The following FAM162A variants were observed in gnomAD, a reference collection of about 807,000 sequenced individuals.
FAM162A encodes protein FAM162A.
In FAM162A, 23 loss-of-function variants were observed where a neutral mutation model predicts 21.8. That is an observed-to-expected ratio of 1.05 (90% CI 0.76 to 1.49). The LOEUF is 1.49. Ranked by LOEUF, FAM162A falls within the 40% of genes most tolerant of loss-of-function variation. FAM162A has a pLI of 0.00. For missense variants in FAM162A, 165 were observed against 186.4 expected (o/e 0.89, Z 0.67); for synonymous variants, 53 against 61.3 (o/e 0.86, Z 0.64).
chr3:122,392,199 T>C (rs1487711386), intron 1 of FAM162A, among the ~76,000 whole-genome samples: 1 of 152,202 alleles, frequency 6.6e-6, no homozygotes, highest in African/African-American at 2.4e-5. Context: ...TTAGGAGGAA[T>C]GGGAAAGGAC....
At chr3:122,390,476 C>T (rs2075597678) in intron 1 of FAM162A, among the ~76,000 whole-genome samples, 1 of 152,092 alleles carries the variant, frequency 6.6e-6, no homozygotes, top group African/African-American at 2.4e-5. Context: ...TCCAAGAGGA[C>T]CTTGAAAGAT....
intron 1 of FAM162A, among the ~76,000 whole-genome samples, chr3:122,393,531 G>T (rs1183823416): frequency 6.6e-6 from 1 of 152,192 alleles, no homozygotes; most frequent in Non-Finnish European, 1.5e-5. Context: ...GGGTTTAAGA[G>T]TTTTCCAAAA....
At chr3:122,402,634 A>G (rs982097649) in intron 1 of FAM162A, 126 bp from the exon 2 acceptor site, 1 of 788,444 alleles carries the variant, frequency 1.3e-6, no homozygotes, top group African/African-American at 1.8e-5. Context: ...TCTTACATAT[A>G]GTAAATTCAT....
At chr3:122,388,973 C>T (rs1365336622) in intron 1 of FAM162A, among the ~76,000 whole-genome samples, 3 of 151,398 alleles carry the variant, frequency 2.0e-5, no homozygotes, top group East Asian at 3.9e-4. Flanking sequence ...GGCGTGAAGC[C>T]GGGAGGCAGA....
rs759386513 is a variant in FAM162A at position 122,402,850 on chromosome 3, C to G, written c.125C>G (p.Thr42Arg). Residue 42 changes from threonine (T) to arginine (R), a missense_variant, in exon 2 of 5, where the codon ACA becomes AGA. Coordinates refer to ENST00000477892, the MANE Select transcript of FAM162A (RefSeq NM_014367.4). ...SDLKRINGFC[T>R]KPQESPGAPS... ...TTGAAGAGAATAAATGGATTTTGCACAAAACCACAGGAAAGTCCCGGAGCT... is the reference window on the plus strand; with the variant it reads ...TTGAAGAGAATAAATGGATTTTGCAGAAAACCACAGGAAAGTCCCGGAGCT... The G allele has an allele frequency of 6.2e-7, 1 of 1,606,104 alleles. No homozygotes were observed. Among genetic ancestry groups the G allele is most frequent in the Non-Finnish European group, 8.5e-7 (1 of 1,176,900 alleles).
At chr3:122,405,881 C>T (rs1252808438) in intron 3 of FAM162A, among the ~76,000 whole-genome samples, 17 of 152,152 alleles carry the variant, frequency 1.1e-4, no homozygotes, top group Admixed American at 1.1e-3. Context: ...CTCAGGTGCT[C>T]CTAACTGACC....
intron 1 of FAM162A, 147 bp downstream of exon 1, chr3:122,384,446 A>AT: frequency 6.1e-6 from 6 of 989,032 alleles, no homozygotes; most frequent in Non-Finnish European, 7.6e-6. Context: ...CTTAGTAGCC[A>AT]TGTGGGAGGG....
At chr3:122,392,180 G>A (rs2075606947) in intron 1 of FAM162A, among the ~76,000 whole-genome samples, 1 of 152,174 alleles carries the variant, frequency 6.6e-6, no homozygotes, top group South Asian at 2.1e-4. Flanking sequence ...AACTGCCTTT[G>A]TTCTATAATT....
chr3:122,389,387 A>G (rs552687362), intron 1 of FAM162A, among the ~76,000 whole-genome samples: 36 of 46,192 alleles, frequency 7.8e-4, no homozygotes, highest in Middle Eastern at 9.8e-3. Context: ...AGATGGATAG[A>G]TAGATAGATA....
At chr3:122,404,754 T>C (rs919260227) in intron 3 of FAM162A, among the ~76,000 whole-genome samples, 4 of 152,222 alleles carry the variant, frequency 2.6e-5, no homozygotes, top group Non-Finnish European at 5.9e-5. Flanking sequence ...AGTATTTAAT[T>C]GCAATATTCT....
chr3:122,409,634 C>A, intron 4 of FAM162A, 105 bp from the exon 5 acceptor site: 1 of 912,508 alleles, frequency 1.1e-6, no homozygotes, highest in Non-Finnish European at 1.8e-6. Flanking sequence ...CAGCAGAGGA[C>A]TCCATGCCTC....
chr3:122,393,227 G>C (rs2075611784), intron 1 of FAM162A, among the ~76,000 whole-genome samples: 2 of 152,082 alleles, frequency 1.3e-5, no homozygotes, highest in Admixed American at 1.3e-4. Context: ...TGTGTCAAGA[G>C]TAAGGACCTC....
intron 1 of FAM162A, among the ~76,000 whole-genome samples, chr3:122,384,756 C>G (rs1185760935): frequency 6.6e-6 from 1 of 152,200 alleles, no homozygotes; most frequent in Non-Finnish European, 1.5e-5. Flanking sequence ...GAAGTTTCCC[C>G]ACTCATTAAA....
In FAM162A at chr3:122,388,177, C is replaced by T. The variant is rs773924977; in HGVS notation, c.34+3878C>T. Among the ~76,000 whole-genome samples, 56 of 152,150 alleles carry T rather than the reference C, an allele frequency of 3.7e-4. No homozygotes were observed. The Middle Eastern group carries it at 0.01, about 28-fold the overall frequency. ...ATGTGTGAGGTGATGATGGAAATAA[C>T]GAATATATTTAGGAAGTGTCTTGAA... On this transcript the variant is annotated intron_variant, in intron 1 of 4. Coordinates refer to ENST00000477892, the MANE Select transcript of FAM162A (RefSeq NM_014367.4).
chr3:122,391,185 T>G (rs2107695983), intron 1 of FAM162A, among the ~76,000 whole-genome samples: 1 of 152,334 alleles, frequency 6.6e-6, no homozygotes, highest in East Asian at 1.9e-4. Context: ...TTTTTAAAAT[T>G]TAAAATTTTA....
Position 122,409,895 on chromosome 3 carries a change from A to G in FAM162A, c.*64A>G, listed in dbSNP as rs2075696301. The G allele has an allele frequency of 7.2e-7, 1 of 1,383,026 alleles. No individual in the cohort carries two copies. 85.7% of individuals were successfully genotyped at this position (1,383,026 alleles called of 1,614,324 possible). On this transcript the variant is annotated 3_prime_UTR_variant, in exon 5 of 5. Transcript: ENST00000477892. ...AATTATGTTATAACGTGCCTGTATTAAAAAGGATGTGGTATGAGGATCCAT... is the reference window on the plus strand; with the variant it reads ...AATTATGTTATAACGTGCCTGTATTGAAAAGGATGTGGTATGAGGATCCAT...
chr3:122,409,566 T>G (rs1197976012), intron 4 of FAM162A, among the ~76,000 whole-genome samples, 173 bp from the exon 5 acceptor site: 1 of 152,118 alleles, frequency 6.6e-6, no homozygotes, highest in Non-Finnish European at 1.5e-5. Flanking sequence ...CTGCTGTTCT[T>G]GGAAGCGTAC....
chr3:122,395,150 A>C (rs981731977), intron 1 of FAM162A, among the ~76,000 whole-genome samples: 2 of 152,244 alleles, frequency 1.3e-5, no homozygotes, highest in African/African-American at 4.8e-5. Flanking sequence ...TGAAAAACCC[A>C]CAACTAACAT....
Position 122,409,867 on chromosome 3 carries a change from A to G in FAM162A, c.*36A>G. The stretch of plus-strand genomic sequence containing the variant: ...CGTGTTGGCTGGATTTTGAAAATCC[A>G]GGAATTATGTTATAACGTGCCTGTA... On this transcript the variant is annotated 3_prime_UTR_variant, in exon 5 of 5. Coordinates refer to ENST00000477892, the MANE Select transcript of FAM162A (RefSeq NM_014367.4). 6.4e-7 allele frequency: 1 copy of G among 1,566,904 alleles called. No homozygotes were observed. Among genetic ancestry groups the G allele is most frequent in the Non-Finnish European group, 8.8e-7 (1 of 1,137,104 alleles).
Sources: allele counts gnomAD v4.1 joint callset (sites outside exome capture counted in the v4.1 genomes callset), GRCh38; gene constraint gnomAD v4.1.1; transcripts MANE v1.5; gene names NCBI Gene and HGNC (gene_info 2026-07-23, HGNC 2026-07-21).